Variants in DNAH5 observed in about 807,000 individuals in gnomAD.
The protein encoded by DNAH5 is axonemal beta dynein heavy chain 5.
A neutral mutation model predicts 518.2 loss-of-function variants in DNAH5; 372 were observed. The ratio of observed to expected loss-of-function variants is 0.72; its 90% CI spans 0.66 to 0.78. The LOEUF (loss-of-function observed/expected upper bound fraction) is 0.78. DNAH5 is among the 30% of genes least tolerant of loss of function. The pLI is 0.00. For missense variants in DNAH5, 5,523 were observed against 5,687.0 expected, an observed-to-expected ratio of 0.97 and a Z score of 0.93; for synonymous variants, 2,039 against 2,025.9, an observed-to-expected ratio of 1.01 and a Z score of -0.17.
At position 13,750,794 on chromosome 5, in the gene DNAH5, A is replaced by G. The variant is rs1750100804; in HGVS notation, c.11211+284T>C. ...AATCAAGTAATTTAAGAACAAAGTAATGATGCTGAAAATGAGACTGATTCC... is the reference window on the plus strand; with the variant it reads ...AATCAAGTAATTTAAGAACAAAGTAGTGATGCTGAAAATGAGACTGATTCC... On this transcript the variant is annotated intron_variant, in intron 65 of 78. Coordinates refer to ENST00000265104, the MANE Select transcript of DNAH5 (RefSeq NM_001369.3). Among the ~76,000 whole-genome samples, 3 of 152,356 alleles carry G rather than the reference A, an allele frequency of 2.0e-5. No individual in the cohort carries two copies. The South Asian group carries it at 6.2e-4, about 32-fold the overall frequency.
chr5:13,990,993 G>C (rs931375490), intron 1 of DNAH5, among the ~76,000 whole-genome samples: 5 of 150,572 alleles, frequency 3.3e-5, no homozygotes, highest in African/African-American at 1.2e-4. Context: ...GAGGCAGTTT[G>C]AGTTTTTTTC....
intron 21 of DNAH5, among the ~76,000 whole-genome samples, chr5:13,880,431 T>A (rs553121694): frequency 6.6e-6 from 1 of 152,130 alleles, no homozygotes; most frequent in East Asian, 1.9e-4. Context: ...GGTGGGTAAA[T>A]CATTAATATT....
intron 14 of DNAH5, 43 bp downstream of exon 14, chr5:13,901,209 C>A: frequency 6.3e-7 from 1 of 1,594,546 alleles, no homozygotes; most frequent in South Asian, 1.1e-5. Context: ...AGAGGGGTTC[C>A]CATGATTCCA....
chr5:13,990,875 G>A (rs1264484333), intron 1 of DNAH5, among the ~76,000 whole-genome samples: 1 of 152,122 alleles, frequency 6.6e-6, no homozygotes, highest in Non-Finnish European at 1.5e-5. Context: ...CACAAAAAAA[G>A]AAGGAAAAGA....
chr5:13,702,027 A>G (rs1027071694), intron 76 of DNAH5, among the ~76,000 whole-genome samples: 11 of 152,188 alleles, frequency 7.2e-5, no homozygotes, highest in African/African-American at 1.9e-4. Context: ...CTCTTGAAGG[A>G]GCAAAAAATG....
chr5:13,945,080 G>A (rs10066164), upstream of DNAH5, among the ~76,000 whole-genome samples: 3,060 of 152,304 alleles, frequency 0.02, 102 homozygotes, highest in African/African-American at 0.07. Context: ...CAAGAAGTCT[G>A]TTTCATATGC....
At chr5:13,983,539 G>A (rs767098937) in intron 1 of DNAH5, among the ~76,000 whole-genome samples, 3 of 152,136 alleles carry the variant, frequency 2.0e-5, no homozygotes, top group Non-Finnish European at 4.4e-5. Flanking sequence ...CCACATCACA[G>A]AGCCCCTGGG....
At chr5:13,955,959 C>T (rs572156264) in intron 1 of DNAH5, among the ~76,000 whole-genome samples, 3 of 152,196 alleles carry the variant, frequency 2.0e-5, no homozygotes, top group East Asian at 1.9e-4. Context: ...TTGCCAAGAG[C>T]GTGCAACAAT....
chr5:13,718,720 C>G (rs1744634075), intron 72 of DNAH5, among the ~76,000 whole-genome samples, 162 bp downstream of exon 72: 1 of 152,224 alleles, frequency 6.6e-6, no homozygotes, highest in Non-Finnish European at 1.5e-5. Context: ...TTCTTTCACA[C>G]TGCCGGGACA....
chr5:13,701,436 C>T lies in DNAH5; in HGVS notation c.13339G>A (p.Ala4447Thr), dbSNP rs772930440. ...DARIPAWWKK[A>T]SWISSTLGFW... is the part of the protein sequence containing the mutation. The stretch of plus-strand genomic sequence containing the variant: ...CCCAGTGTACTAGAAATCCAAGAAG[C>T]CTGCAATGAAGACATTAAAACAATT... The change falls in exon 77 of 79, where the codon GCT becomes ACT. Residue 4447 changes from alanine to threonine, a missense_variant and splice_region_variant. Physicochemically the swap from Ala to Thr is moderately conservative, Grantham distance 58 (BLOSUM62 0). This residue lies in a region of DNAH5 where 387 missense variants were observed against 430.0 expected (regional missense o/e 0.90). Transcript: ENST00000265104. 6.2e-7 allele frequency: 1 copy of T among 1,608,686 alleles called. No individual in the cohort carries two copies. The highest frequency in any genetic ancestry group is 1.1e-5 in the South Asian group (1 of 90,994).
intron 75 of DNAH5, 50 bp downstream of exon 75, chr5:13,714,355 C>T (rs574622154): frequency 5.1e-6 from 8 of 1,579,626 alleles, no homozygotes; most frequent in African/African-American, 2.7e-5. Flanking sequence ...CTCTCCCAAC[C>T]GAAGATATGC....
intron 76 of DNAH5, among the ~76,000 whole-genome samples, chr5:13,702,856 CTCAGCACCAAACAAG>C (rs1561076415): frequency 6.6e-6 from 1 of 152,038 alleles, no homozygotes; most frequent in Non-Finnish European, 1.5e-5. Context: ...ATACCTGAGG[CTCAGCACCAAACAAG>C]TCCTATCACC....
chr5:13,835,677 G>C (rs7356679), intron 35 of DNAH5, among the ~76,000 whole-genome samples: 62,485 of 151,520 alleles, frequency 0.41, 13,239 homozygotes, highest in East Asian at 0.6. Flanking sequence ...ATGCAAATCA[G>C]ACACCGCCTC....
intron 7 of DNAH5, among the ~76,000 whole-genome samples, chr5:13,917,999 G>A (rs1040356477): frequency 5.9e-5 from 9 of 152,160 alleles, no homozygotes; most frequent in African/African-American, 2.2e-4. Flanking sequence ...CTCTATGACG[G>A]TCCCCAGTGA....
At chr5:13,708,458 T>C (rs1428848023) in intron 75 of DNAH5, 123 bp from the exon 76 acceptor site, 2 of 884,530 alleles carry the variant, frequency 2.3e-6, no homozygotes, top group African/African-American at 3.5e-5. Context: ...AAGCTTCTAA[T>C]TTATTGCATG....
At chr5:13,755,709 T>C (rs1015985994) in intron 61 of DNAH5, among the ~76,000 whole-genome samples, 40 of 152,260 alleles carry the variant, frequency 2.6e-4, no homozygotes, top group Non-Finnish European at 4.4e-5. Flanking sequence ...CTCACATCTG[T>C]TTGTTTCCCT....
intron 65 of DNAH5, among the ~76,000 whole-genome samples, chr5:13,738,204 A>G (rs1017494676): frequency 6.6e-6 from 1 of 151,910 alleles, no homozygotes; most frequent in Non-Finnish European, 1.5e-5. Context: ...TATTTTCTCA[A>G]GTCACATCAG....
intron 21 of DNAH5, among the ~76,000 whole-genome samples, chr5:13,879,250 G>A (rs1580716469): frequency 6.6e-6 from 1 of 152,218 alleles, no homozygotes; most frequent in African/African-American, 2.4e-5. Context: ...ACTGTTCTGA[G>A]TGAAGTGGAC....
chr5:13,706,562 C>T (rs1435209777), intron 76 of DNAH5, among the ~76,000 whole-genome samples: 1 of 152,166 alleles, frequency 6.6e-6, no homozygotes, highest in African/African-American at 2.4e-5. Flanking sequence ...TTACATCTCC[C>T]CATAACATGG....
Sources: allele counts gnomAD v4.1 joint callset (sites outside exome capture counted in the v4.1 genomes callset), GRCh38; gene constraint gnomAD v4.1.1; regional missense constraint gnomAD v4.1.1; transcripts MANE v1.5; gene names NCBI Gene and HGNC (gene_info 2026-07-23, HGNC 2026-07-21).